Variants in THUMPD2 observed in about 807,000 individuals in gnomAD.
THUMPD2 encodes the protein THUMP domain 2 tRNA and snRNA guanosine methyltransferase.
Under a neutral mutation model 49.4 loss-of-function variants are expected in THUMPD2, and 56 were observed. The ratio of observed to expected loss-of-function variants is 1.13; its 90% CI spans 0.91 to 1.41. The LOEUF is 1.41. Ranked by LOEUF, THUMPD2 falls within the 40% of genes most tolerant of loss-of-function variation. The pLI is 0.00. For synonymous variants in THUMPD2, 237 were observed against 205.2 expected, an observed-to-expected ratio of 1.15 and a Z score of -1.32; for missense variants, 709 against 594.5, an observed-to-expected ratio of 1.19 and a Z score of -2.00.
chr2:39,743,258 C>G (rs1343250413), intron 9 of THUMPD2, among the ~76,000 whole-genome samples: 1 of 152,132 alleles, frequency 6.6e-6, no homozygotes, highest in African/African-American at 2.4e-5. Flanking sequence ...ATCAACTGAC[C>G]TCTTATATTC....
At chr2:39,778,104 A>T (rs1679356414) in intron 1 of THUMPD2, among the ~76,000 whole-genome samples, 1 of 152,108 alleles carries the variant, frequency 6.6e-6, no homozygotes, top group African/African-American at 2.4e-5. Flanking sequence ...CCTGTGCTTC[A>T]TTTTTCTCAT....
chr2:39,745,914 C>G (rs1674516755), intron 8 of THUMPD2, among the ~76,000 whole-genome samples: 2 of 152,146 alleles, frequency 1.3e-5, no homozygotes, highest in African/African-American at 2.4e-5. Flanking sequence ...AGCATAAGCT[C>G]TGGAGTCAGA....
intron 3 of THUMPD2, 65 bp from the exon 4 acceptor site, chr2:39,768,566 A>T (rs1481327101): frequency 7.7e-7 from 1 of 1,300,070 alleles, no homozygotes; most frequent in African/African-American, 1.5e-5. Context: ...AAATGTCAGC[A>T]AAACTAACAG....
At chr2:39,768,296 A>C in intron 4 of THUMPD2, 128 bp downstream of exon 4, 1 of 738,722 alleles carries the variant, frequency 1.4e-6, no homozygotes, top group South Asian at 1.7e-5. Flanking sequence ...GATAAAATGG[A>C]CTGTTGGATC....
intron 8 of THUMPD2, among the ~76,000 whole-genome samples, chr2:39,753,959 C>A (rs1396617529): frequency 6.6e-6 from 1 of 152,018 alleles, no homozygotes; most frequent in Non-Finnish European, 1.5e-5. Flanking sequence ...CTTTAAAAAG[C>A]ACACACACAC....
chr2:39,741,833 G>A (rs1433343373), intron 9 of THUMPD2, among the ~76,000 whole-genome samples: 1 of 151,916 alleles, frequency 6.6e-6, no homozygotes, highest in African/African-American at 2.4e-5. Context: ...TTTCTATCTA[G>A]GGCCTTAAAC....
chr2:39,762,256 G>C (rs993029780), intron 5 of THUMPD2, among the ~76,000 whole-genome samples: 1 of 152,172 alleles, frequency 6.6e-6, no homozygotes, highest in Non-Finnish European at 1.5e-5. Context: ...ACCAGCAAAA[G>C]AGGTCTTCTA....
At chr2:39,755,823 G>C in intron 7 of THUMPD2, 66 bp downstream of exon 7, 1 of 1,279,860 alleles carries the variant, frequency 7.8e-7, no homozygotes, top group Non-Finnish European at 1.1e-6. Context: ...TAAATAATTG[G>C]TGATTATACT....
chr2:39,776,579 CG>C (rs928612895), intron 1 of THUMPD2, among the ~76,000 whole-genome samples: 5 of 151,896 alleles, frequency 3.3e-5, no homozygotes, highest in African/African-American at 1.2e-4. Flanking sequence ...TTAGTAGAGA[CG>C]GGGTTTCACC....
At chr2:39,760,364 T>C (rs112182067) in intron 6 of THUMPD2, among the ~76,000 whole-genome samples, 1 of 152,240 alleles carries the variant, frequency 6.6e-6, no homozygotes, top group African/African-American at 2.4e-5. Flanking sequence ...TAGAGTCATA[T>C]ATATTTAGTT....
At chr2:39,745,030 T>C (rs1290386734) in intron 8 of THUMPD2, among the ~76,000 whole-genome samples, 1 of 152,178 alleles carries the variant, frequency 6.6e-6, no homozygotes, top group African/African-American at 2.4e-5. Context: ...TCTGATTAAT[T>C]CTAAATTGCT....
intron 4 of THUMPD2, chr2:39,766,330 T>C (rs575099561): frequency 2.7e-6 from 1 of 370,492 alleles, no homozygotes; most frequent in South Asian, 5.6e-5. Flanking sequence ...CTGAGGTCAA[T>C]TTATTATATA....
At chr2:39,773,910 T>G (rs1300795135) in intron 1 of THUMPD2, among the ~76,000 whole-genome samples, 1 of 152,230 alleles carries the variant, frequency 6.6e-6, no homozygotes, top group Non-Finnish European at 1.5e-5. Context: ...CAGCAGGTCC[T>G]TGAATAACAC....
chr2:39,765,524 CTACTT>C (rs1677400157), intron 5 of THUMPD2, among the ~76,000 whole-genome samples: 1 of 151,774 alleles, frequency 6.6e-6, no homozygotes, highest in African/African-American at 2.4e-5. Context: ...AAAAAATTAA[CTACTT>C]TATAAATTTA....
chr2:39,755,113 C>T (rs1160331083), intron 8 of THUMPD2, among the ~76,000 whole-genome samples, 182 bp downstream of exon 8: 1 of 151,664 alleles, frequency 6.6e-6, no homozygotes, highest in African/African-American at 2.4e-5. Context: ...ATTGTTGCTT[C>T]CCAATTATGA....
chr2:39,756,466 C>T (rs984191201), intron 6 of THUMPD2, among the ~76,000 whole-genome samples: 5 of 146,940 alleles, frequency 3.4e-5, no homozygotes, highest in African/African-American at 1.3e-4. Context: ...GAGCGAGACT[C>T]CATCTCAAAA....
intron 2 of THUMPD2, 37 bp from the exon 3 acceptor site, chr2:39,770,156 C>T (rs749733888): frequency 5.8e-6 from 8 of 1,369,406 alleles, no homozygotes; most frequent in Non-Finnish European, 6.7e-6. Context: ...TCTATTGAAG[C>T]TTTAAAGACC....
chr2:39,748,900 T>G (rs1674998889), intron 8 of THUMPD2, among the ~76,000 whole-genome samples: 1 of 151,952 alleles, frequency 6.6e-6, no homozygotes, highest in African/African-American at 2.4e-5. Flanking sequence ...GAGGACTGCT[T>G]GAGCCCAGGA....
intron 4 of THUMPD2, among the ~76,000 whole-genome samples, chr2:39,767,640 A>G (rs1205050479): frequency 6.7e-6 from 1 of 148,160 alleles, no homozygotes; most frequent in African/African-American, 2.5e-5. Flanking sequence ...AAAGGGGCAG[A>G]TAAGAGAATG....
Sources: gnomAD v4.1 joint callset for allele counts (sites outside exome capture counted in the v4.1 genomes callset) on GRCh38, gnomAD v4.1.1 for gene constraint, MANE v1.5 for transcripts, NCBI Gene and HGNC (gene_info 2026-07-23, HGNC 2026-07-21) for gene names.